The following ADAMTS12 variants were observed in gnomAD, a reference collection of about 807,000 sequenced individuals.
ADAMTS12 encodes the protein ADAM metallopeptidase with thrombospondin type 1 motif 12.
In ADAMTS12, 118 loss-of-function variants were observed where a neutral mutation model predicts 167.8. The ratio of observed to expected loss-of-function variants is 0.70; its 90% confidence interval spans 0.61 to 0.82. The LOEUF (loss-of-function observed/expected upper bound fraction) is 0.82, where lower values mean the gene tolerates loss of function less well. Among genes scored for constraint, ADAMTS12 ranks in the 40% least tolerant of loss-of-function variants. The pLI is 0.00. For synonymous variants in ADAMTS12, 704 were observed against 716.9 expected (o/e 0.98, Z 0.29); for missense variants, 1,916 against 1,998.8 (o/e 0.96, Z 0.79).
intron 1 of ADAMTS12, among the ~76,000 whole-genome samples, chr5:33,885,952 T>C (rs1042415175): frequency 6.6e-6 from 1 of 152,178 alleles, no homozygotes; most frequent in African/African-American, 2.4e-5. Flanking sequence ...AGAGAAGCAA[T>C]AGTCCCAGAT....
intron 12 of ADAMTS12, among the ~76,000 whole-genome samples, chr5:33,631,334 A>C (rs1488178257): frequency 2.0e-5 from 3 of 152,172 alleles, no homozygotes; most frequent in African/African-American, 7.2e-5. Context: ...CAAAGTAAGT[A>C]GACCTCCAGG....
At chr5:33,652,208 T>C (rs1427835987) in intron 7 of ADAMTS12, among the ~76,000 whole-genome samples, 1 of 152,160 alleles carries the variant, frequency 6.6e-6, no homozygotes, top group Admixed American at 6.6e-5. Flanking sequence ...CCATACTGTT[T>C]CCCATAGAGT....
At chr5:33,706,233 G>C (rs1181076900) in intron 3 of ADAMTS12, among the ~76,000 whole-genome samples, 1 of 152,114 alleles carries the variant, frequency 6.6e-6, no homozygotes, top group African/African-American at 2.4e-5. Context: ...GCCCAGAGCT[G>C]AGTTCAAGTC....
intron 3 of ADAMTS12, among the ~76,000 whole-genome samples, chr5:33,728,380 AC>A (rs972771581): frequency 1.3e-5 from 2 of 152,164 alleles, no homozygotes; most frequent in African/African-American, 4.8e-5. Flanking sequence ...CTTCCAGGAC[AC>A]TGTTGGCTGT....
rs1235808154 is a variant in ADAMTS12, at chr5:33,891,883, T to A, written c.-27A>T. On this transcript the variant is annotated 5_prime_UTR_variant, in exon 1 of 24. Coordinates refer to ENST00000504830, the MANE Select transcript of ADAMTS12 (RefSeq NM_030955.4). ...ATTCAGATGTTGAGGAGAAGAAAAG[T>A]CAAAAAAGTTTTAGCCCTCAGCTCC... 2.5e-6 allele frequency: 4 copies of A among 1,603,182 alleles called. No homozygotes were observed. Among genetic ancestry groups the A allele is most frequent in the Admixed American group, 1.7e-5 (1 of 57,678 alleles).
intron 20 of ADAMTS12, 50 bp from the exon 21 acceptor site, chr5:33,549,433 C>T (rs1745148416): frequency 1.9e-6 from 3 of 1,578,250 alleles, no homozygotes; most frequent in Non-Finnish European, 2.6e-6. Context: ...TGGCATCAGG[C>T]CTCCCTTCCT....
chr5:33,540,025 A>G (rs929244581), intron 22 of ADAMTS12, among the ~76,000 whole-genome samples: 1 of 152,230 alleles, frequency 6.6e-6, no homozygotes, highest in Non-Finnish European at 1.5e-5. Context: ...CGGGAAGTGC[A>G]AGGGGTTGGG....
chr5:33,627,241 G>A (rs567573685), intron 13 of ADAMTS12, among the ~76,000 whole-genome samples: 28 of 105,436 alleles, frequency 2.7e-4, no homozygotes, highest in African/African-American at 8.5e-4. Flanking sequence ...TGGAGTGATG[G>A]TGGTGGTGGT....
chr5:33,788,880 G>C (rs573587213), intron 2 of ADAMTS12, among the ~76,000 whole-genome samples: 1 of 152,294 alleles, frequency 6.6e-6, no homozygotes, highest in East Asian at 1.9e-4. Flanking sequence ...TCGTTCAGAT[G>C]CAGAAACTGA....
intron 2 of ADAMTS12, among the ~76,000 whole-genome samples, chr5:33,786,461 C>CT (rs5867211): frequency 0.2 from 30,147 of 147,170 alleles, 3,837 homozygotes; most frequent in East Asian, 0.41. Flanking sequence ...ATCTAAGAAG[C>CT]TTTTTTTTTT....
At chr5:33,834,202 C>A (rs1396930075) in intron 2 of ADAMTS12, among the ~76,000 whole-genome samples, 2 of 151,880 alleles carry the variant, frequency 1.3e-5, no homozygotes, top group East Asian at 3.9e-4. Flanking sequence ...CTTTAAAGAC[C>A]CTATCTTCAT....
chr5:33,868,386 T>G (rs976859182), intron 2 of ADAMTS12, among the ~76,000 whole-genome samples: 1 of 152,156 alleles, frequency 6.6e-6, no homozygotes, highest in Non-Finnish European at 1.5e-5. Flanking sequence ...ATGCTGACAG[T>G]GATATGGACA....
chr5:33,665,054 A>G (rs1741418935), intron 5 of ADAMTS12, among the ~76,000 whole-genome samples: 3 of 152,180 alleles, frequency 2.0e-5, no homozygotes, highest in Admixed American at 1.3e-4. Context: ...AGAAATATAT[A>G]TATATAATGG....
At chr5:33,663,627 C>G (rs966301810) in intron 5 of ADAMTS12, among the ~76,000 whole-genome samples, 1 of 152,130 alleles carries the variant, frequency 6.6e-6, no homozygotes, top group Admixed American at 6.6e-5. Flanking sequence ...AGAACTAGAT[C>G]AAGATCACTT....
intron 2 of ADAMTS12, among the ~76,000 whole-genome samples, chr5:33,763,274 A>G (rs1317568387): frequency 2.0e-5 from 3 of 152,160 alleles, no homozygotes; most frequent in African/African-American, 7.2e-5. Context: ...GAGTTGACCT[A>G]TGTAATCAGA....
intron 3 of ADAMTS12, among the ~76,000 whole-genome samples, chr5:33,697,630 G>A (rs944191535): frequency 3.3e-5 from 5 of 151,888 alleles, no homozygotes; most frequent in Non-Finnish European, 7.4e-5. Flanking sequence ...CACAATACCA[G>A]GCATTATCAG....
At chr5:33,855,870 G>A (rs1201563238) in intron 2 of ADAMTS12, among the ~76,000 whole-genome samples, 1 of 152,100 alleles carries the variant, frequency 6.6e-6, no homozygotes, top group African/African-American at 2.4e-5. Context: ...GGGACTATAG[G>A]CAAGCGCCAC....
At chr5:33,595,776 C>T (rs1054563296) in intron 17 of ADAMTS12, among the ~76,000 whole-genome samples, 158 bp downstream of exon 17, 2 of 152,226 alleles carry the variant, frequency 1.3e-5, no homozygotes, top group Non-Finnish European at 2.9e-5. Flanking sequence ...TTGCCACAGG[C>T]TCCAACAGCA....
intron 1 of ADAMTS12, among the ~76,000 whole-genome samples, chr5:33,882,661 G>A (rs933746212): frequency 1.6e-4 from 25 of 152,092 alleles, no homozygotes; most frequent in African/African-American, 4.8e-4. Flanking sequence ...GCATGATCTC[G>A]ACTCACCGCA....
Sources: allele counts gnomAD v4.1 joint callset (sites outside exome capture counted in the v4.1 genomes callset), GRCh38; gene constraint gnomAD v4.1.1; transcripts MANE v1.5; gene names NCBI Gene and HGNC (gene_info 2026-07-23, HGNC 2026-07-21).